Variants in NALF1 observed in about 807,000 individuals in gnomAD.
NALF1 encodes family with sequence similarity 155 member A.
NALF1 carries 3 observed loss-of-function variants against 48.4 expected under a neutral mutation model. The ratio of observed to expected loss-of-function variants is 0.06; its 90% CI spans 0.03 to 0.16. The LOEUF is 0.16. NALF1 is among the 10% of genes least tolerant of loss of function. NALF1 has a pLI of 1.00. For synonymous variants in NALF1, 262 were observed against 245.7 expected, an observed-to-expected ratio of 1.07 and a Z score of -0.62; for missense variants, 526 against 571.5, an observed-to-expected ratio of 0.92 and a Z score of 0.81.
intron 1 of NALF1, among the ~76,000 whole-genome samples, chr13:107,225,704 A>C (rs573686724): frequency 1.1e-4 from 17 of 152,290 alleles, no homozygotes; most frequent in African/African-American, 4.1e-4. Flanking sequence ...TGAAAGCTCA[A>C]ATAACAAAGT....
rs1477881649 is a variant in NALF1 at position 107,205,400 on chromosome 13, T to C, written c.1087+5184A>G. On this transcript the variant is annotated intron_variant, in intron 2 of 2. Coordinates refer to ENST00000375915, the MANE Select transcript of NALF1 (RefSeq NM_001080396.3). ...AAATCCTTCGAATGTGATCAATATG[T>C]AGATCAATGCATTTCCTCCCCTCAG... Among the ~76,000 whole-genome samples the C allele has an allele frequency of 1.3e-5, 2 of 152,204 alleles. 1 individual carries two copies. Among genetic ancestry groups the C allele is most frequent in the Non-Finnish European group, 2.9e-5 (2 of 68,042 alleles).
intron 1 of NALF1, among the ~76,000 whole-genome samples, chr13:107,644,044 ATGACT>A (rs1880237913): frequency 6.8e-6 from 1 of 147,040 alleles, no homozygotes; most frequent in South Asian, 2.2e-4. Context: ...ATTTATTTAC[ATGACT>A]TATTTTTGAC....
intron 2 of NALF1, among the ~76,000 whole-genome samples, chr13:107,184,477 G>A (rs367998656): frequency 2.6e-5 from 4 of 152,024 alleles, no homozygotes; most frequent in South Asian, 2.1e-4. Flanking sequence ...TCTGTTTTCC[G>A]GAGAGCTCTT....
At chr13:107,202,391 T>C (rs1411106379) in intron 2 of NALF1, among the ~76,000 whole-genome samples, 1 of 149,014 alleles carries the variant, frequency 6.7e-6, no homozygotes, top group Non-Finnish European at 1.5e-5. Flanking sequence ...ATATATTATA[T>C]ATACAATCTA....
chr13:107,487,070 G>C (rs530316194), intron 1 of NALF1, among the ~76,000 whole-genome samples: 2 of 152,188 alleles, frequency 1.3e-5, no homozygotes, highest in East Asian at 1.9e-4. Context: ...CTGTCTGTGT[G>C]TCCCCAGATG....
At chr13:107,588,202 A>G (rs1321091257) in intron 1 of NALF1, among the ~76,000 whole-genome samples, 1 of 152,120 alleles carries the variant, frequency 6.6e-6, no homozygotes, top group Non-Finnish European at 1.5e-5. Context: ...CCATACACAC[A>G]TTTCAGCTGA....
intron 1 of NALF1, among the ~76,000 whole-genome samples, chr13:107,713,845 TC>T (rs1875672132): frequency 1.3e-5 from 2 of 152,210 alleles, no homozygotes; most frequent in Non-Finnish European, 1.5e-5. Context: ...CAAGTACAGC[TC>T]TGCATGATTA....
At chr13:107,373,660 T>C (rs1883286853) in intron 1 of NALF1, among the ~76,000 whole-genome samples, 1 of 152,222 alleles carries the variant, frequency 6.6e-6, no homozygotes, top group South Asian at 2.1e-4. Flanking sequence ...CACGCCTTTC[T>C]AAGCATCAAC....
At chr13:107,387,863 C>T (rs1199629605) in intron 1 of NALF1, among the ~76,000 whole-genome samples, 3 of 152,238 alleles carry the variant, frequency 2.0e-5, no homozygotes, top group Admixed American at 6.5e-5. Flanking sequence ...CCTTGAGTAA[C>T]TCACAGTGAT....
chr13:107,451,517 C>T (rs1445317053), intron 1 of NALF1, among the ~76,000 whole-genome samples: 1 of 152,076 alleles, frequency 6.6e-6, no homozygotes, highest in Non-Finnish European at 1.5e-5. Flanking sequence ...AACAGGGCAC[C>T]GTGTGATGTT....
chr13:107,561,788 A>G (rs1877655111), intron 1 of NALF1, among the ~76,000 whole-genome samples: 1 of 152,232 alleles, frequency 6.6e-6, no homozygotes, highest in Admixed American at 6.5e-5. Flanking sequence ...TCCCTGTCAT[A>G]GGACTCATGG....
chr13:107,395,536 CAT>C (rs1273095083), intron 1 of NALF1, among the ~76,000 whole-genome samples: 1 of 152,238 alleles, frequency 6.6e-6, no homozygotes, highest in East Asian at 1.9e-4. Flanking sequence ...ACCGTGGACT[CAT>C]AGGCGTGTCT....
At chr13:107,297,363 C>T (rs1457415072) in intron 1 of NALF1, among the ~76,000 whole-genome samples, 2 of 152,158 alleles carry the variant, frequency 1.3e-5, no homozygotes, top group Non-Finnish European at 2.9e-5. Flanking sequence ...CCAGTAAAAT[C>T]ATTGAGATCT....
chr13:107,202,054 T>C (rs1463443201), intron 2 of NALF1, among the ~76,000 whole-genome samples: 2 of 152,200 alleles, frequency 1.3e-5, no homozygotes, highest in Non-Finnish European at 2.9e-5. Flanking sequence ...CGGAGAACCA[T>C]CATCTTAAAA....
intron 1 of NALF1, among the ~76,000 whole-genome samples, chr13:107,276,966 C>A (rs1208325439): frequency 6.6e-6 from 1 of 152,008 alleles, no homozygotes; most frequent in Non-Finnish European, 1.5e-5. Context: ...TTGTTCAAAT[C>A]CTCCCAAAAA....
At chr13:107,355,137 T>C (rs1487395829) in intron 1 of NALF1, among the ~76,000 whole-genome samples, 1 of 152,170 alleles carries the variant, frequency 6.6e-6, no homozygotes, top group Non-Finnish European at 1.5e-5. Flanking sequence ...CCCTCATCCA[T>C]CTGGGGGCAG....
chr13:107,388,138 C>CAT (rs747755158), intron 1 of NALF1, among the ~76,000 whole-genome samples: 14 of 152,184 alleles, frequency 9.2e-5, no homozygotes, highest in Non-Finnish European at 1.9e-4. Context: ...AGATCAGAGG[C>CAT]ATAACAGAAT....
intron 1 of NALF1, among the ~76,000 whole-genome samples, chr13:107,625,829 T>C (rs746637490): frequency 9.2e-5 from 14 of 152,110 alleles, no homozygotes; most frequent in Admixed American, 3.3e-4. Flanking sequence ...AATAACTGTT[T>C]TGACTGATTA....
At chr13:107,313,498 CT>C (rs1425044653) in intron 1 of NALF1, among the ~76,000 whole-genome samples, 1 of 152,022 alleles carries the variant, frequency 6.6e-6, no homozygotes, top group Non-Finnish European at 1.5e-5. Context: ...AAGAAAATTC[CT>C]TGTGGACCTC....
Sources: allele counts gnomAD v4.1 joint callset (sites outside exome capture counted in the v4.1 genomes callset), GRCh38; gene constraint gnomAD v4.1.1; transcripts MANE v1.5; gene names NCBI Gene and HGNC (gene_info 2026-07-23, HGNC 2026-07-21).